The following ENTHD1 variants were observed in gnomAD, a reference collection of about 807,000 sequenced individuals.
ENTHD1 encodes ENTH domain containing 1.
A neutral mutation model predicts 39.1 loss-of-function variants in ENTHD1; 23 were observed. That is an observed-to-expected ratio of 0.59 (90% confidence interval 0.42 to 0.83). The LOEUF is 0.83. Ranked by LOEUF, ENTHD1 falls within the 40% of genes least tolerant of loss-of-function variation. ENTHD1 has a pLI of 0.00. For synonymous variants in ENTHD1, 230 were observed against 258.2 expected (o/e 0.89, Z 1.05); for missense variants, 624 against 705.4 (o/e 0.88, Z 1.31).
At chr22:39,888,433 A>ATT (rs889310416) in intron 1 of ENTHD1, among the ~76,000 whole-genome samples, 3 of 143,310 alleles carry the variant, frequency 2.1e-5, no homozygotes, top group Admixed American at 6.9e-5. Flanking sequence ...ATGCCTGGCT[A>ATT]TTTTTTTTTT....
At chr22:39,830,236 C>T (rs59113022) in intron 4 of ENTHD1, among the ~76,000 whole-genome samples, 2,434 of 152,090 alleles carry the variant, frequency 0.016, 68 homozygotes, top group African/African-American at 0.056. Context: ...CCACCACGCC[C>T]GGTAATTTTC....
intron 3 of ENTHD1, among the ~76,000 whole-genome samples, chr22:39,850,798 A>T (rs1030947286): frequency 3.3e-5 from 5 of 152,012 alleles, no homozygotes; most frequent in African/African-American, 9.7e-5. Flanking sequence ...TTAGAACACA[A>T]CTCTGGACCT....
chr22:39,818,571 T>C (rs1444877978), intron 5 of ENTHD1, among the ~76,000 whole-genome samples: 6 of 152,222 alleles, frequency 3.9e-5, no homozygotes, highest in African/African-American at 1.4e-4. Context: ...GACCAGACTA[T>C]GAAAAGTACT....
intron 5 of ENTHD1, among the ~76,000 whole-genome samples, chr22:39,812,930 G>A (rs972156684): frequency 6.6e-6 from 1 of 152,116 alleles, no homozygotes; most frequent in Non-Finnish European, 1.5e-5. Flanking sequence ...TTACAGGTGT[G>A]CACCACTATG....
intron 6 of ENTHD1, among the ~76,000 whole-genome samples, chr22:39,757,639 T>C (rs552348888): frequency 7.8e-4 from 119 of 151,804 alleles, no homozygotes; most frequent in Middle Eastern, 3.4e-3. Flanking sequence ...ATCACCCCAC[T>C]GCACTCCAGC....
chr22:39,803,452 A>G (rs2146620024), intron 5 of ENTHD1, among the ~76,000 whole-genome samples: 3 of 152,080 alleles, frequency 2.0e-5, no homozygotes, highest in Admixed American at 2.0e-4. Flanking sequence ...ACATGTTACA[A>G]TCTATAATTG....
At chr22:39,832,511 A>C (rs889227569) in intron 4 of ENTHD1, among the ~76,000 whole-genome samples, 39 of 152,330 alleles carry the variant, frequency 2.6e-4, no homozygotes, top group Non-Finnish European at 3.8e-4. Flanking sequence ...AATTAAGCAG[A>C]AAAAGTGTTC....
intron 2 of ENTHD1, among the ~76,000 whole-genome samples, chr22:39,878,508 A>AT (rs2066309320): frequency 6.6e-6 from 1 of 151,730 alleles, no homozygotes; most frequent in Non-Finnish European, 1.5e-5. Flanking sequence ...AAAAAAAAAA[A>AT]TACTCCTGAA....
intron 5 of ENTHD1, among the ~76,000 whole-genome samples, chr22:39,772,544 A>C (rs547142571): frequency 1.3e-5 from 2 of 152,314 alleles, no homozygotes; most frequent in South Asian, 4.1e-4. Context: ...GAATTCTAAA[A>C]ATTATTGACT....
intron 5 of ENTHD1, among the ~76,000 whole-genome samples, chr22:39,802,874 G>C (rs1047654786): frequency 1.3e-5 from 2 of 152,158 alleles, no homozygotes; most frequent in Non-Finnish European, 2.9e-5. Context: ...CAGTCATGAG[G>C]AAATCCTCAG....
intron 5 of ENTHD1, among the ~76,000 whole-genome samples, chr22:39,770,848 G>A (rs917507268): frequency 2.0e-5 from 3 of 152,170 alleles, no homozygotes; most frequent in Non-Finnish European, 4.4e-5. Flanking sequence ...GGTACAGGCT[G>A]AGTGTCCCAT....
intron 3 of ENTHD1, among the ~76,000 whole-genome samples, chr22:39,848,787 CTGTT>C (rs1601639168): frequency 1.3e-5 from 2 of 152,136 alleles, no homozygotes; most frequent in African/African-American, 4.8e-5. Flanking sequence ...TGCACTTTTT[CTGTT>C]TATGAAATAT....
chr22:39,838,340 A>G (rs1436240991), intron 3 of ENTHD1, among the ~76,000 whole-genome samples: 3 of 152,154 alleles, frequency 2.0e-5, no homozygotes, highest in Non-Finnish European at 4.4e-5. Context: ...ACACTGAAAA[A>G]TGACTTCATC....
At chr22:39,832,047 G>A (rs1049361300) in intron 4 of ENTHD1, among the ~76,000 whole-genome samples, 12 of 152,166 alleles carry the variant, frequency 7.9e-5, no homozygotes, top group South Asian at 6.2e-4. Flanking sequence ...GCAGAATGTG[G>A]TGGCTCATGC....
chr22:39,868,281 T>C lies in ENTHD1; in HGVS notation c.350-6274A>G, dbSNP rs181901041. ...ACAGGGCATGTGCCCCAAGCCAACTTTATAAGGCCTGTACAGGAGGGAGTC... is the reference window on the plus strand; with the variant it reads ...ACAGGGCATGTGCCCCAAGCCAACTCTATAAGGCCTGTACAGGAGGGAGTC... On this transcript the variant is annotated intron_variant, in intron 2 of 6. Coordinates refer to ENST00000325157, the MANE Select transcript of ENTHD1 (RefSeq NM_152512.4). Among the ~76,000 whole-genome samples the C allele has an allele frequency of 2.0e-5, 3 of 151,436 alleles. No homozygotes were observed. In the East Asian group the frequency reaches 5.8e-4, roughly 29 times the overall value.
intron 2 of ENTHD1, among the ~76,000 whole-genome samples, chr22:39,886,456 C>A (rs2066379839): frequency 6.6e-6 from 1 of 152,114 alleles, no homozygotes; most frequent in Admixed American, 6.5e-5. Flanking sequence ...ATGGACCACA[C>A]TAATGCAAGA....
At chr22:39,840,473 G>A (rs1240167727) in intron 3 of ENTHD1, among the ~76,000 whole-genome samples, 6 of 152,128 alleles carry the variant, frequency 3.9e-5, no homozygotes, top group Admixed American at 2.0e-4. Flanking sequence ...GAAATGCAAC[G>A]CTCCATAAGT....
At chr22:39,861,231 T>C (rs971340978) in intron 3 of ENTHD1, among the ~76,000 whole-genome samples, 2 of 152,188 alleles carry the variant, frequency 1.3e-5, no homozygotes, top group Admixed American at 6.5e-5. Flanking sequence ...CAAAGATAAC[T>C]GCATTCAGAA....
At chr22:39,791,950 A>T (rs2065507804) in intron 5 of ENTHD1, among the ~76,000 whole-genome samples, 1 of 151,466 alleles carries the variant, frequency 6.6e-6, no homozygotes, top group Admixed American at 6.6e-5. Flanking sequence ...ATGTGTTCTC[A>T]TTATTTACCT....
Sources: allele counts gnomAD v4.1 joint callset (sites outside exome capture counted in the v4.1 genomes callset), GRCh38; gene constraint gnomAD v4.1.1; transcripts MANE v1.5; gene names NCBI Gene and HGNC (gene_info 2026-07-23, HGNC 2026-07-21).